The following MAX variants were observed in gnomAD, a reference collection of about 807,000 sequenced individuals.
MAX encodes MYC associated transcriptional regulator X, also known as protein max.
A neutral mutation model predicts 22.3 loss-of-function variants in MAX; 3 were observed. The observed-to-expected ratio is 0.13, with a 90% CI of 0.06 to 0.35. The LOEUF (loss-of-function observed/expected upper bound fraction) is 0.35, where lower values mean the gene tolerates loss of function less well. Among genes scored for constraint, MAX ranks in the 10% least tolerant of loss-of-function variants. MAX has a pLI of 1.00. For synonymous variants in MAX, 72 were observed against 77.7 expected (o/e 0.93, Z 0.39); for missense variants, 119 against 209.4 (o/e 0.57, Z 2.66).
chr14:65,079,282 G>A lies in MAX; in HGVS notation c.172-1246C>T, dbSNP rs187084164. Among the ~76,000 whole-genome samples, 66 of 152,286 alleles carry A rather than the reference G, an allele frequency of 4.3e-4. 2 individuals are homozygous for A. The East Asian group carries it at 7.9e-3, about 18-fold the overall frequency. On this transcript the variant is annotated intron_variant, in intron 3 of 4. Transcript: ENST00000358664. This position sits in a 1 kb window ranked among gnomAD's most constrained non-coding sequence, Gnocchi z 4.5. ...AAAGAGACTTTCATAAAAAGCTGTCGGTGCTTGATGTCAACACAGGAAGAG... is the reference window on the plus strand; with the variant it reads ...AAAGAGACTTTCATAAAAAGCTGTCAGTGCTTGATGTCAACACAGGAAGAG...
At chr14:65,086,033 A>T (rs1215687077) in intron 3 of MAX, among the ~76,000 whole-genome samples, 2 of 152,158 alleles carry the variant, frequency 1.3e-5, no homozygotes, top group Admixed American at 6.5e-5. Context: ...TGTGATAGGG[A>T]ATAAATTTCG....
chr14:65,091,503 A>G (rs1368655697), intron 3 of MAX, among the ~76,000 whole-genome samples: 1 of 152,144 alleles, frequency 6.6e-6, no homozygotes, highest in African/African-American at 2.4e-5. Context: ...TAGTCCTGCT[A>G]CTTTTCTGCC....
intron 3 of MAX, among the ~76,000 whole-genome samples, chr14:65,048,990 G>T (rs1435326036): frequency 1.3e-5 from 2 of 152,146 alleles, no homozygotes; most frequent in Non-Finnish European, 2.9e-5. Flanking sequence ...GCCAGGCATG[G>T]TGCCACGTTG....
rs530223753 is a variant in MAX, at chr14:65,032,865, T to C, written c.172-26581A>G. Among the ~76,000 whole-genome samples the C allele has an allele frequency of 4.9e-4, 75 of 152,350 alleles. No individual in the cohort carries two copies. Among genetic ancestry groups the C allele is most frequent in the African/African-American group, 1.6e-3 (67 of 41,578 alleles). ...TAAATACTTAAAATGTCTTCTTTTT[T>C]CCAAACTTTCTTTAATGTTATATTA... On this transcript the variant is annotated intron_variant, in intron 3 of 3. Transcript: ENST00000341653. This position sits in a 1 kb window ranked among gnomAD's most constrained non-coding sequence, Gnocchi z 5.0.
chr14:65,037,906 A>G (rs2062250007), intron 3 of MAX, among the ~76,000 whole-genome samples: 1 of 151,450 alleles, frequency 6.6e-6, no homozygotes. Flanking sequence ...CAGCCTCCCA[A>G]GTAGCTGGGA....
At chr14:65,092,019 C>T (rs927348302) in intron 3 of MAX, among the ~76,000 whole-genome samples, 1 of 152,054 alleles carries the variant, frequency 6.6e-6, no homozygotes, top group Non-Finnish European at 1.5e-5. Flanking sequence ...CAAATTCAAA[C>T]CTTTAACTTC....
intron 3 of MAX, among the ~76,000 whole-genome samples, chr14:65,059,586 G>GT (rs1267649956): frequency 6.6e-6 from 1 of 152,060 alleles, no homozygotes; most frequent in East Asian, 1.9e-4. Context: ...TCAGCATGAG[G>GT]TTGCTCCTAG....
rs189372325 is a variant in MAX at position 65,024,925 on chromosome 14, T to G, written c.172-18641A>C. 1.6e-3 allele frequency among the ~76,000 whole-genome samples: 241 copies of G among 152,302 alleles called. 1 individual carries two copies. The highest frequency in any genetic ancestry group is 5.8e-3 in the African/African-American group (240 of 41,568). On this transcript the variant is annotated intron_variant, in intron 3 of 3. Coordinates refer to the MAX transcript ENST00000341653. ...CAAGCCACTATGCCTGGCTCCTTTT[T>G]TTTGTTTGTTTGTTTTTTTTAAATA...
In MAX at chr14:65,077,613, C is replaced by A; in HGVS notation, c.295+300G>T. ...CAAAGCTCTTTTCAGACACCTGATGCCAGGTGTGATCCCTACTGCAGGCAG... is the reference window on the plus strand; with the variant it reads ...CAAAGCTCTTTTCAGACACCTGATGACAGGTGTGATCCCTACTGCAGGCAG... On this transcript the variant is annotated intron_variant, in intron 4 of 4. Transcript: ENST00000358664. This position sits in a 1 kb window ranked among gnomAD's most constrained non-coding sequence, Gnocchi z 6.3. 9.4e-7 allele frequency: 1 copy of A among 1,066,902 alleles called. No individual in the cohort carries two copies. The highest frequency in any genetic ancestry group is 1.4e-6 in the Non-Finnish European group (1 of 709,476). The allele number at this position is 1,066,902 out of a possible 1,614,324, so 66.1% of individuals were successfully genotyped here.
chr14:65,074,827 C>T (rs1018491971), downstream of MAX, among the ~76,000 whole-genome samples: 7 of 152,218 alleles, frequency 4.6e-5, no homozygotes, highest in Admixed American at 3.9e-4. Flanking sequence ...TACCAATTCC[C>T]CCAAAGGTCA....
chr14:65,097,714 GATCT>G (rs2063710933), intron 2 of MAX, among the ~76,000 whole-genome samples: 1 of 152,170 alleles, frequency 6.6e-6, no homozygotes, highest in Admixed American at 6.5e-5. Flanking sequence ...CATCCGAAAA[GATCT>G]ATTTCTTACT....
chr14:65,059,837 C>CT (rs34459085), intron 3 of MAX, among the ~76,000 whole-genome samples: 16,377 of 134,088 alleles, frequency 0.12, 2,352 homozygotes, highest in African/African-American at 0.34. Context: ...GTCCTTTTTT[C>CT]TTTTTTTTTT....
intron 3 of MAX, among the ~76,000 whole-genome samples, chr14:65,013,737 AG>A (rs2061722043): frequency 6.6e-6 from 1 of 152,108 alleles, no homozygotes; most frequent in Non-Finnish European, 1.5e-5. Flanking sequence ...TAGTAGAGAC[AG>A]GGTTTCACCA....
At chr14:65,091,272 C>T (rs116522402) in intron 3 of MAX, among the ~76,000 whole-genome samples, 46 of 152,286 alleles carry the variant, frequency 3.0e-4, no homozygotes, top group African/African-American at 1.0e-3. Context: ...ATATTCTGTT[C>T]GACTCACGGC....
rs2063084385 is a variant in MAX, at chr14:65,077,287, A to G, written c.296-624T>C. ...CAGCTTGAGCCTGGAAGGTCAACCC[A>G]TTTAATTTATTTTATTTTATTTTAT... is the stretch of plus-strand genomic sequence containing the variant. On this transcript the variant is annotated intron_variant, in intron 4 of 4. Coordinates refer to ENST00000358664, the MANE Select transcript of MAX (RefSeq NM_002382.5). The surrounding 1 kb of genome is among the most constrained non-coding windows in gnomAD (Gnocchi z 6.3). 1 of 1,287,896 alleles carries G rather than the reference A, an allele frequency of 7.8e-7. No individual in the cohort carries two copies. Among genetic ancestry groups the G allele is most frequent in the Non-Finnish European group, 1.1e-6 (1 of 906,556 alleles). The allele number at this position is 1,287,896 out of a possible 1,614,324, so 79.8% of individuals were successfully genotyped here.
chr14:65,031,501 G>GC lies in MAX; in HGVS notation c.172-25218_172-25217insG, dbSNP rs1253012162. 6.6e-6 allele frequency among the ~76,000 whole-genome samples: 1 copy of GC among 151,632 alleles called. No homozygotes were observed. Among genetic ancestry groups the GC allele is most frequent in the African/African-American group, 2.4e-5 (1 of 41,310 alleles). The stretch of plus-strand genomic sequence containing the variant: ...CCCAGCTAATTTTTGTGTTTTTAGT[G>GC]GAGACGGGGTTTCGCAATATTGGTC... On this transcript the variant is annotated intron_variant, in intron 3 of 3. Coordinates refer to the MAX transcript ENST00000341653. This position sits in a 1 kb window ranked among gnomAD's most constrained non-coding sequence, Gnocchi z 4.6.
chr14:65,089,922 G>A (rs1022908393), intron 3 of MAX: 1 of 151,744 alleles, frequency 6.6e-6, no homozygotes, highest in Non-Finnish European at 1.5e-5. Flanking sequence ...ACATACAGTT[G>A]AGAAACTGCA....
rs2061656328 is a variant in MAX at position 65,009,822 on chromosome 14, C to G, written c.172-3538G>C. ...TGCTCTTCCCTTTGGGAAGAGTTTTCTGACCCTCCATCTCTTCCCGTGGCT... is the reference window on the plus strand; with the variant it reads ...TGCTCTTCCCTTTGGGAAGAGTTTTGTGACCCTCCATCTCTTCCCGTGGCT... On this transcript the variant is annotated intron_variant, in intron 3 of 3. Coordinates refer to the MAX transcript ENST00000341653. This position sits in a 1 kb window ranked among gnomAD's most constrained non-coding sequence, Gnocchi z 4.2. Among the ~76,000 whole-genome samples the G allele has an allele frequency of 6.6e-6, 1 of 152,124 alleles. No individual in the cohort carries two copies.
rs2062041352 is a variant in MAX at position 65,029,523 on chromosome 14, A to G, written c.172-23239T>C. 6.6e-6 allele frequency among the ~76,000 whole-genome samples: 1 copy of G among 152,368 alleles called. No homozygotes were observed. The highest frequency in any genetic ancestry group is 1.9e-4 in the East Asian group (1 of 5,196). On this transcript the variant is annotated intron_variant, in intron 3 of 3. Transcript: ENST00000341653. This position sits in a 1 kb window ranked among gnomAD's most constrained non-coding sequence, Gnocchi z 4.7. ...GTTCCAGTGTATTGTAAAAAATCAA[A>G]TCACAGTGAACTCATAGCAAGCACT...
Sources: gnomAD v4.1 joint callset for allele counts (sites outside exome capture counted in the v4.1 genomes callset) on GRCh38, gnomAD v4.1.1 for gene constraint, Gnocchi (gnomAD v3.1) non-coding constraint, MANE v1.5 for transcripts, NCBI Gene and HGNC (gene_info 2026-07-23, HGNC 2026-07-21) for gene names.